Variants in GPD1 observed in about 807,000 individuals in gnomAD.
GPD1 encodes the protein glycerol-3-phosphate dehydrogenase [NAD(+)], cytoplasmic.
GPD1 carries 19 observed loss-of-function variants against 34.4 expected under a neutral mutation model. The observed-to-expected ratio is 0.55, with a 90% confidence interval of 0.39 to 0.81. The LOEUF is 0.81. Ranked by LOEUF, GPD1 falls within the 30% of genes least tolerant of loss-of-function variation. The probability of loss-of-function intolerance (pLI) is 0.00; values close to 1 mark genes in which losing one functional copy is unlikely to be tolerated. For synonymous variants in GPD1, 172 were observed against 174.1 expected, an observed-to-expected ratio of 0.99 and a Z score of 0.09; for missense variants, 429 against 447.0, an observed-to-expected ratio of 0.96 and a Z score of 0.36.
Position 50,106,157 on chromosome 12 carries a change from G to A in GPD1, c.361-131G>A, listed in dbSNP as rs967679791. 5.1e-6 allele frequency: 4 copies of A among 781,646 alleles called. No individual in the cohort carries two copies. In the African/African-American group the frequency reaches 5.3e-5, roughly 10 times the overall value. The allele number at this position is 781,646 out of a possible 1,614,324, so 48.4% of individuals were successfully genotyped here. ...GGCCTCCTCACAGCAAACTTGAGCTGGGTTGGAATGGGGCAGGACCTGTCG... is the reference window on the plus strand; with the variant it reads ...GGCCTCCTCACAGCAAACTTGAGCTAGGTTGGAATGGGGCAGGACCTGTCG... On this transcript the variant is annotated intron_variant, in intron 3 of 7. Coordinates refer to ENST00000301149, the MANE Select transcript of GPD1 (RefSeq NM_005276.4).
Position 50,104,680 on chromosome 12 carries a change from C to A in GPD1, c.148C>A (p.Leu50Met), listed in dbSNP as rs1346463906. ...VFEEDIGGKK[L>M]TEIINTQHEN... ...TGAGGAAGACATTGGAGGCAAAAAG[C>A]TGACTGAGATCATCAACACGCAGCA... is the stretch of plus-strand genomic sequence containing the variant. Residue 50 changes from leucine to methionine, a missense_variant, in exon 2 of 8, where the codon CTG becomes ATG. Coordinates refer to ENST00000301149, the MANE Select transcript of GPD1 (RefSeq NM_005276.4). The A allele has an allele frequency of 6.2e-7, 1 of 1,614,130 alleles. No individual in the cohort carries two copies. The highest frequency in any genetic ancestry group is 1.7e-5 in the Admixed American group (1 of 60,034).
At chr12:50,107,258 C>T in intron 5 of GPD1, 6 of 650,790 alleles carry the variant, frequency 9.2e-6, no homozygotes, top group East Asian at 3.1e-5. Context: ...AGACTAATGG[C>T]CAGAACTATG....
rs972874389 is a variant in GPD1, at chr12:50,109,838, G to A, written c.*319G>A. On this transcript the variant is annotated 3_prime_UTR_variant, in exon 8 of 8. Transcript: ENST00000301149. Reference sequence around the variant, plus strand: ...CTGCTTGGTGGCGGGGGTGATGTATGTGGAGAAGGGTTGGGGGAGAGGCCG... The same window carrying A: ...CTGCTTGGTGGCGGGGGTGATGTATATGGAGAAGGGTTGGGGGAGAGGCCG... 2 of 326,296 alleles carry A rather than the reference G, an allele frequency of 6.1e-6. No individual in the cohort carries two copies. Among genetic ancestry groups the A allele is most frequent in the Non-Finnish European group, 1.2e-5 (2 of 169,276 alleles). The allele number at this position is 326,296 out of a possible 1,614,324, so 20.2% of individuals were successfully genotyped here.
Position 50,105,557 on chromosome 12 carries a change from C to T in GPD1, c.229C>T (p.Pro77Ser). 1.9e-6 allele frequency: 3 copies of T among 1,612,944 alleles called. No homozygotes were observed. The highest frequency in any genetic ancestry group is 2.5e-6 in the Non-Finnish European group (3 of 1,179,196). The change falls in exon 3 of 8, where the codon CCA (proline) becomes TCA (serine). Residue 77 changes from proline to serine, a missense_variant. Coordinates refer to ENST00000301149, the MANE Select transcript of GPD1 (RefSeq NM_005276.4). ...TTGGTCACCCCCACAGGTGGCTGTC[C>T]CAGATGTGGTCCAGGCTGCAGAGGA... ...HKLPPNVVAV[P>S]DVVQAAEDAD...
chr12:50,107,834 G>A (rs983756775), intron 6 of GPD1, 34 bp downstream of exon 6: 3 of 1,433,310 alleles, frequency 2.1e-6, no homozygotes, highest in African/African-American at 2.8e-5. Flanking sequence ...CAGAGGGGCG[G>A]CTCTGTAGGC....
rs1950989738 is a variant in GPD1, at chr12:50,107,557, C to G, written c.613-10C>G. 6.2e-7 allele frequency: 1 copy of G among 1,608,562 alleles called. No individual in the cohort carries two copies. Among genetic ancestry groups the G allele is most frequent in the South Asian group, 1.1e-5 (1 of 90,986 alleles). On this transcript the variant is annotated splice_polypyrimidine_tract_variant and intron_variant, in intron 5 of 7. Transcript: ENST00000301149. ...GGTCTTTTCTCACCTATGACCTCCACTCCTTCAAGAATGTAGTGGCCGTGG... is the reference window on the plus strand; with the variant it reads ...GGTCTTTTCTCACCTATGACCTCCAGTCCTTCAAGAATGTAGTGGCCGTGG...
chr12:50,109,385 G>A (rs576474068), intron 7 of GPD1, 38 bp from the exon 8 acceptor site: 5 of 1,032,020 alleles, frequency 4.8e-6, no homozygotes, highest in South Asian at 1.3e-5. Flanking sequence ...TGGACCAGGA[G>A]TGGGAGGCTA....
rs1436396102 is a variant in GPD1, at chr12:50,109,375, T to C, written c.954-48T>C. ...GCAGTGAGTGGGGGTGGGGGTAGAG[T>C]GGACCAGGAGTGGGAGGCTAAGCTG... is the stretch of plus-strand genomic sequence containing the variant. On this transcript the variant is annotated intron_variant, in intron 7 of 7. Coordinates refer to ENST00000301149, the MANE Select transcript of GPD1 (RefSeq NM_005276.4). 24 of 940,306 alleles carry C rather than the reference T, an allele frequency of 2.6e-5. No individual in the cohort carries two copies. In the Admixed American group the frequency reaches 3.4e-4, roughly 13 times the overall value. 58.2% of individuals were successfully genotyped at this position (940,306 alleles called of 1,614,324 possible).
intron 1 of GPD1, 22 bp from the exon 2 acceptor site, chr12:50,104,552 C>G (rs1950964480): frequency 6.2e-7 from 1 of 1,601,312 alleles, no homozygotes; most frequent in Non-Finnish European, 8.6e-7. Flanking sequence ...CCTGTACTTT[C>G]CTGTGCTCCC....
chr12:50,109,351 C>A, intron 7 of GPD1, 72 bp from the exon 8 acceptor site: 1 of 808,146 alleles, frequency 1.2e-6, no homozygotes. Flanking sequence ...GAGGGTTAGG[C>A]AGTGAGTGGG....
intron 2 of GPD1, chr12:50,105,079 C>T (rs1268793478): frequency 1.2e-5 from 4 of 340,440 alleles, no homozygotes; most frequent in South Asian, 5.2e-5. Flanking sequence ...AGTGAGTAGC[C>T]GACTTGGAGG....
At chr12:50,106,540 A>G in intron 4 of GPD1, 114 bp downstream of exon 4, 1 of 1,066,642 alleles carries the variant, frequency 9.4e-7, no homozygotes, top group Non-Finnish European at 1.4e-6. Flanking sequence ...GGAAAATACA[A>G]GCATCAGAGG....
intron 3 of GPD1, chr12:50,105,976 G>T: frequency 1.5e-6 from 1 of 656,046 alleles, no homozygotes; most frequent in Non-Finnish European, 2.8e-6. Context: ...TTTGAGAAGT[G>T]TGAAGAGTAG....
intron 1 of GPD1, chr12:50,104,368 C>A: frequency 1.4e-6 from 1 of 708,134 alleles, no homozygotes; most frequent in Non-Finnish European, 2.6e-6. Flanking sequence ...GGGCTCCCTT[C>A]TCTAGTAGCA....
intron 2 of GPD1, among the ~76,000 whole-genome samples, chr12:50,104,952 G>A (rs757100896): frequency 2.0e-5 from 3 of 152,228 alleles, no homozygotes; most frequent in Non-Finnish European, 4.4e-5. Flanking sequence ...TCCCAGGCGG[G>A]TGGGTGGGGA....
chr12:50,109,736 C>G lies in GPD1; in HGVS notation c.*217C>G. On this transcript the variant is annotated 3_prime_UTR_variant, in exon 8 of 8. Coordinates refer to ENST00000301149, the MANE Select transcript of GPD1 (RefSeq NM_005276.4). The stretch of plus-strand genomic sequence containing the variant: ...CATGCCACCACATTTGCCAGAAATG[C>G]AGTTGCCCTGTCCCTCTCCAGATGT... 1 of 548,384 alleles carries G rather than the reference C, an allele frequency of 1.8e-6. No individual in the cohort carries two copies. The allele number at this position is 548,384 out of a possible 1,614,324, so 34.0% of individuals were successfully genotyped here.
chr12:50,107,822 A>T, intron 6 of GPD1, 22 bp downstream of exon 6: 2 of 1,551,234 alleles, frequency 1.3e-6, no homozygotes, highest in Non-Finnish European at 1.8e-6. Flanking sequence ...GAGAAGGGAG[A>T]ACAGAGGGGC....
Position 50,104,666 on chromosome 12 carries a change from T to C in GPD1, c.134T>C (p.Ile45Thr), listed in dbSNP as rs142985043. 24 of 1,613,830 alleles carry C rather than the reference T, an allele frequency of 1.5e-5. No individual in the cohort carries two copies. Among genetic ancestry groups the C allele is most frequent in the African/African-American group, 1.2e-4 (9 of 74,904 alleles). Residue 45 changes from isoleucine to threonine, a missense_variant, in exon 2 of 8, where the codon ATT becomes ACT. Ile to Thr is a moderately conservative substitution (Grantham distance 89). Transcript: ENST00000301149. ...RVTMWVFEED[I>T]GGKKLTEIIN... ...ACCATGTGGGTATTTGAGGAAGACA[T>C]TGGAGGCAAAAAGCTGACTGAGATC...
Position 50,107,692 on chromosome 12 carries a change from T to A in GPD1, c.738T>A (p.Pro246=), listed in dbSNP as rs757801386. 6.2e-7 allele frequency: 1 copy of A among 1,613,624 alleles called. No homozygotes were observed. The highest frequency in any genetic ancestry group is 8.5e-7 in the Non-Finnish European group (1 of 1,179,522). The change falls in exon 6 of 8, where the codon CCT becomes CCA. Residue 246 remains proline (P), a synonymous_variant. Coordinates refer to ENST00000301149, the MANE Select transcript of GPD1 (RefSeq NM_005276.4). Reference sequence around the variant, plus strand: ...TCGCCAAGCTCTTCTGCAGTGGCCCTGTGTCCTCTGCCACCTTCTTGGAGA... The same window carrying A: ...TCGCCAAGCTCTTCTGCAGTGGCCCAGTGTCCTCTGCCACCTTCTTGGAGA... ...IAFAKLFCSG[P]VSSATFLESC... is the part of the protein sequence containing the mutation.
Sources: gnomAD v4.1 joint callset for allele counts (sites outside exome capture counted in the v4.1 genomes callset) on GRCh38, gnomAD v4.1.1 for gene constraint, MANE v1.5 for transcripts, NCBI Gene and HGNC (gene_info 2026-07-23, HGNC 2026-07-21) for gene names.